BTBD7: variants seen among roughly 807,000 people sequenced by gnomAD.
BTBD7 encodes BTB/POZ domain-containing protein 7.
BTBD7 carries 38 observed loss-of-function variants against 99.9 expected under a neutral mutation model. That is an observed-to-expected ratio of 0.38 (90% confidence interval 0.29 to 0.50). The LOEUF (loss-of-function observed/expected upper bound fraction) is 0.50, where lower values mean the gene tolerates loss of function less well. Ranked by LOEUF, BTBD7 falls within the 20% of genes least tolerant of loss-of-function variation. BTBD7 has a pLI of 0.93. For synonymous variants in BTBD7, 520 were observed against 511.4 expected, an observed-to-expected ratio of 1.02 and a Z score of -0.23; for missense variants, 1,170 against 1,394.6, an observed-to-expected ratio of 0.84 and a Z score of 2.57.
chr14:93,316,861 G>C (rs1301585399), intron 1 of BTBD7, among the ~76,000 whole-genome samples: 1 of 152,110 alleles, frequency 6.6e-6, no homozygotes. Flanking sequence ...TTGATCCTTA[G>C]TACTAGATTA....
chr14:93,266,257 G>C (rs899199890), intron 3 of BTBD7, among the ~76,000 whole-genome samples: 1 of 151,960 alleles, frequency 6.6e-6, no homozygotes, highest in Non-Finnish European at 1.5e-5. Flanking sequence ...GCATTGAGCC[G>C]TAATCAAAGG....
intron 1 of BTBD7, among the ~76,000 whole-genome samples, chr14:93,299,417 T>A (rs928268023): frequency 1.3e-5 from 2 of 152,136 alleles, no homozygotes; most frequent in Non-Finnish European, 2.9e-5. Context: ...GCAAGCCTGG[T>A]CTCTTTTCTA....
At chr14:93,263,493 G>C (rs2052511204) in intron 4 of BTBD7, among the ~76,000 whole-genome samples, 1 of 152,186 alleles carries the variant, frequency 6.6e-6, no homozygotes, top group Admixed American at 6.6e-5. Context: ...TAGAAGTCAA[G>C]AAAATCATGT....
Position 93,294,344 on chromosome 14 carries a change from C to G in BTBD7, c.676G>C (p.Glu226Gln), listed in dbSNP as rs146371995. ...TCAAGGGAATTTGGTGTTCCAAATT[C>G]TTCACTAAGCTGAACAAGGATATCG... ...NVDILVQLSE[E>Q]FGTPNSLDVD... Residue 226 changes from glutamate (E) to glutamine (Q), a missense_variant, in exon 3 of 11, where the codon GAA (glutamate) becomes CAA (glutamine). Coordinates refer to ENST00000334746, the MANE Select transcript of BTBD7 (RefSeq NM_001002860.4). The G allele has an allele frequency of 4.7e-5, 76 of 1,614,164 alleles. 1 individual carries two copies. The East Asian group carries it at 1.2e-3, about 25-fold the overall frequency.
intron 1 of BTBD7, among the ~76,000 whole-genome samples, chr14:93,310,205 T>C (rs2053121708): frequency 6.6e-6 from 1 of 152,232 alleles, no homozygotes; most frequent in Admixed American, 6.5e-5. Context: ...AACCTGTAAA[T>C]ATTTCCATAT....
intron 8 of BTBD7, among the ~76,000 whole-genome samples, chr14:93,250,614 T>G (rs1370365807): frequency 6.6e-6 from 1 of 152,184 alleles, no homozygotes; most frequent in Non-Finnish European, 1.5e-5. Context: ...AGTGTGCTGG[T>G]TTTTATTTTG....
Position 93,253,702 on chromosome 14 carries a change from T to A in BTBD7, c.1697A>T (p.Asn566Ile), listed in dbSNP as rs775236382. 5 of 1,611,972 alleles carry A rather than the reference T, an allele frequency of 3.1e-6. No individual in the cohort carries two copies. Among genetic ancestry groups the A allele is most frequent in the South Asian group, 1.1e-5 (1 of 90,816 alleles). Residue 566 changes from asparagine to isoleucine, a missense_variant, in exon 7 of 11, where the codon AAT (asparagine) becomes ATT (isoleucine). Asn to Ile is a moderately radical substitution (Grantham distance 149). Around this residue, in one of 4 missense-constraint regions of BTBD7, gnomAD observed 309 missense variants for 342.0 expected, o/e 0.90. Transcript: ENST00000334746. ...TCGAGGACGAACATAGATGCCAGCA[T>A]TTTTTTGCCGTAACCAGGCATTTGA... is the stretch of plus-strand genomic sequence containing the variant. ...GKSNAWLRQK[N>I]AGIYVRPRLF...
chr14:93,288,497 A>G (rs767317397), intron 3 of BTBD7: 3 of 759,882 alleles, frequency 3.9e-6, no homozygotes, highest in African/African-American at 3.4e-5. Context: ...TTATATAAGG[A>G]TATTTTGATT....
chr14:93,254,742 G>A (rs1300274570), intron 6 of BTBD7, among the ~76,000 whole-genome samples: 3 of 152,224 alleles, frequency 2.0e-5, no homozygotes, highest in African/African-American at 7.2e-5. Flanking sequence ...CTAAGGTGGT[G>A]TGAGGATTAA....
intron 8 of BTBD7, 47 bp from the exon 9 acceptor site, chr14:93,248,701 A>G: frequency 6.6e-7 from 1 of 1,507,836 alleles, no homozygotes; most frequent in Non-Finnish European, 8.9e-7. Flanking sequence ...GAGCTACACA[A>G]AAGACGACCC....
At position 93,282,532 on chromosome 14, in the gene BTBD7, A is replaced by T. The variant is rs188062581; in HGVS notation, c.1162+11326T>A. Among the ~76,000 whole-genome samples, 6 of 151,942 alleles carry T rather than the reference A, an allele frequency of 3.9e-5. No homozygotes were observed. The East Asian group carries it at 1.2e-3, about 29-fold the overall frequency. On this transcript the variant is annotated intron_variant, in intron 3 of 10. Coordinates refer to ENST00000334746, the MANE Select transcript of BTBD7 (RefSeq NM_001002860.4). Reference sequence around the variant, plus strand: ...ATTTTTAGTAGAGATGGGGTTTCACAATGTTGGGCAGGCTGGTCTTGAACT... The same window carrying T: ...ATTTTTAGTAGAGATGGGGTTTCACTATGTTGGGCAGGCTGGTCTTGAACT...
Position 93,253,647 on chromosome 14 carries a change from C to T in BTBD7, c.1752G>A (p.Lys584=). Residue 584 remains lysine, a splice_region_variant and synonymous_variant, in exon 7 of 11, where the codon AAG becomes AAA. Coordinates refer to ENST00000334746, the MANE Select transcript of BTBD7 (RefSeq NM_001002860.4). Reference sequence around the variant, plus strand: ...ACTATCTTCAAATGGTTTTCATTACCTTTGCTTCTTCCACATAGGGAGAGA... The same window carrying T: ...ACTATCTTCAAATGGTTTTCATTACTTTTGCTTCTTCCACATAGGGAGAGA... The part of the protein sequence containing the change: ...RLFSPYVEEA[K]SVLDEMMVEQ... The T allele has an allele frequency of 6.2e-7, 1 of 1,608,896 alleles. No individual in the cohort carries two copies. The highest frequency in any genetic ancestry group is 8.5e-7 in the Non-Finnish European group (1 of 1,176,440).
At chr14:93,279,551 C>T (rs2052694447) in intron 3 of BTBD7, among the ~76,000 whole-genome samples, 1 of 152,080 alleles carries the variant, frequency 6.6e-6, no homozygotes, top group Non-Finnish European at 1.5e-5. Context: ...CTATCCTTTT[C>T]TTCTTTTTTT....
rs149023290 is a variant in BTBD7 at position 93,257,440 on chromosome 14, A to G, written c.1448-85T>C. 5.5e-6 allele frequency: 7 copies of G among 1,266,252 alleles called. No homozygotes were observed. In the African/African-American group the frequency reaches 1.0e-4, roughly 19 times the overall value. 78.4% of individuals were successfully genotyped at this position (1,266,252 alleles called of 1,614,324 possible). On this transcript the variant is annotated intron_variant, in intron 5 of 10. Transcript: ENST00000334746. ...TTTGTTCTCTAGTACATACACTAAC[A>G]GTACCACTCTATAGACTTATGTGCC...
chr14:93,300,236 G>A (rs2052977644), intron 1 of BTBD7, among the ~76,000 whole-genome samples: 1 of 151,054 alleles, frequency 6.6e-6, no homozygotes, highest in Admixed American at 6.6e-5. Context: ...TATGGATGGG[G>A]AAGGAAGTTC....
At chr14:93,325,416 T>C (rs574011541) in intron 1 of BTBD7, among the ~76,000 whole-genome samples, 1 of 139,564 alleles carries the variant, frequency 7.2e-6, no homozygotes, top group African/African-American at 2.9e-5. Context: ...GTGTGAGCCA[T>C]CGTGTCTGGC....
chr14:93,262,469 G>GGCT (rs2052499919), intron 4 of BTBD7, among the ~76,000 whole-genome samples: 1 of 151,902 alleles, frequency 6.6e-6, no homozygotes, highest in Admixed American at 6.6e-5. Flanking sequence ...CGTACTTCCG[G>GGCT]GCTCAAGCAA....
chr14:93,331,881 C>A (rs2053424477), intron 1 of BTBD7, among the ~76,000 whole-genome samples: 2 of 144,526 alleles, frequency 1.4e-5, no homozygotes, highest in Non-Finnish European at 3.0e-5. Context: ...ACTCCGTCTC[C>A]CCCCCCCCAA....
At chr14:93,249,793 A>G (rs1566835416) in intron 8 of BTBD7, among the ~76,000 whole-genome samples, 5 of 110,756 alleles carry the variant, frequency 4.5e-5, no homozygotes, top group Admixed American at 2.4e-4. Flanking sequence ...TTTGAGTAAG[A>G]TGAGAGGCGG....
Sources: gnomAD v4.1 joint callset for allele counts (sites outside exome capture counted in the v4.1 genomes callset) on GRCh38, gnomAD v4.1.1 for gene constraint, gnomAD v4.1.1 regional missense constraint, MANE v1.5 for transcripts, NCBI Gene and HGNC (gene_info 2026-07-23, HGNC 2026-07-21) for gene names.